SLC22A3: variants seen among roughly 807,000 people sequenced by gnomAD.
The protein encoded by SLC22A3 is solute carrier family 22 member 3.
Under a neutral mutation model 59.1 loss-of-function variants are expected in SLC22A3, and 51 were observed. The ratio of observed to expected loss-of-function variants is 0.86; its 90% CI spans 0.69 to 1.09. The LOEUF is 1.09. Ranked by LOEUF, SLC22A3 falls within the 50% of genes least tolerant of loss-of-function variation. The pLI is 0.00. For synonymous variants in SLC22A3, 325 were observed against 292.0 expected (o/e 1.11, Z -1.15); for missense variants, 711 against 726.3 (o/e 0.98, Z 0.24).
chr6:160,420,134 G>A (rs1787667241), intron 5 of SLC22A3, among the ~76,000 whole-genome samples: 2 of 152,150 alleles, frequency 1.3e-5, no homozygotes, highest in African/African-American at 2.4e-5. Flanking sequence ...ACTCAGCCTG[G>A]CATTGCTCAG....
Position 160,425,146 on chromosome 6 carries a change from C to T in SLC22A3, c.976-11634C>T, listed in dbSNP as rs143799332. Reference sequence around the variant, plus strand: ...CCACAATTCTGTAAACAACTTGGTACATTTTGTTGTCTAGAAATAGCCAAC... The same window carrying T: ...CCACAATTCTGTAAACAACTTGGTATATTTTGTTGTCTAGAAATAGCCAAC... On this transcript the variant is annotated intron_variant, in intron 5 of 10. Coordinates refer to ENST00000275300, the MANE Select transcript of SLC22A3 (RefSeq NM_021977.4). Among the ~76,000 whole-genome samples the T allele has an allele frequency of 1.4e-3, 218 of 152,284 alleles. 5 individuals are homozygous for T. The East Asian group carries it at 0.036, about 25-fold the overall frequency.
At chr6:160,391,917 C>A (rs971135811) in intron 1 of SLC22A3, among the ~76,000 whole-genome samples, 2 of 152,214 alleles carry the variant, frequency 1.3e-5, no homozygotes, top group Admixed American at 1.3e-4. Flanking sequence ...AGACATCTCT[C>A]CCTCCTATTT....
intron 1 of SLC22A3, among the ~76,000 whole-genome samples, chr6:160,385,343 G>A (rs1285540962): frequency 6.6e-6 from 1 of 152,222 alleles, no homozygotes; most frequent in Non-Finnish European, 1.5e-5. Flanking sequence ...TGTCATGGGA[G>A]ACACAGTGCC....
intron 2 of SLC22A3, among the ~76,000 whole-genome samples, chr6:160,404,832 A>G (rs568102576): frequency 6.6e-6 from 1 of 151,826 alleles, no homozygotes; most frequent in East Asian, 1.9e-4. Flanking sequence ...AAAGCAGAAA[A>G]CAAAAGGTAC....
intron 1 of SLC22A3, among the ~76,000 whole-genome samples, chr6:160,386,139 G>A (rs1786001806): frequency 1.3e-5 from 2 of 152,204 alleles, no homozygotes; most frequent in African/African-American, 4.8e-5. Flanking sequence ...CCTTCTGCCT[G>A]TGCACCTGTG....
At chr6:160,388,176 G>A (rs766855010) in intron 1 of SLC22A3, among the ~76,000 whole-genome samples, 7 of 152,154 alleles carry the variant, frequency 4.6e-5, no homozygotes, top group African/African-American at 7.2e-5. Context: ...CTAAGTTGGT[G>A]GTAATTTGTT....
chr6:160,436,964 C>T (rs993133773), intron 6 of SLC22A3, 33 bp from the exon 7 acceptor site: 7 of 1,613,204 alleles, frequency 4.3e-6, no homozygotes, highest in African/African-American at 1.3e-5. Context: ...TTATCTCTTA[C>T]TTGTTCTCTG....
chr6:160,357,373 C>G (rs532391218), intron 1 of SLC22A3, among the ~76,000 whole-genome samples: 1 of 152,322 alleles, frequency 6.6e-6, no homozygotes, highest in East Asian at 1.9e-4. Context: ...CACAGGATGG[C>G]TCTGATTTCA....
At chr6:160,411,821 A>T (rs765819558) in intron 5 of SLC22A3, among the ~76,000 whole-genome samples, 9 of 152,226 alleles carry the variant, frequency 5.9e-5, no homozygotes, top group Non-Finnish European at 8.8e-5. Context: ...GCACTTGAGG[A>T]TATAACATAT....
At chr6:160,418,436 T>C (rs1328373154) in intron 5 of SLC22A3, among the ~76,000 whole-genome samples, 1 of 152,234 alleles carries the variant, frequency 6.6e-6, no homozygotes, top group Admixed American at 6.5e-5. Context: ...CCTGGCTTCC[T>C]ACCTCCTCAG....
chr6:160,437,652 C>CT (rs1562501487), intron 7 of SLC22A3, among the ~76,000 whole-genome samples: 68 of 152,214 alleles, frequency 4.5e-4, no homozygotes, highest in Admixed American at 4.4e-3. Context: ...AATATTGTCA[C>CT]GATTCTTATT....
intron 1 of SLC22A3, among the ~76,000 whole-genome samples, chr6:160,383,654 C>A (rs1340894170): frequency 1.3e-5 from 2 of 152,012 alleles, no homozygotes; most frequent in East Asian, 3.9e-4. Flanking sequence ...ACAAACTCAC[C>A]AATCACCAAC....
chr6:160,430,743 A>C (rs1001751617), intron 5 of SLC22A3, among the ~76,000 whole-genome samples: 5 of 152,234 alleles, frequency 3.3e-5, no homozygotes, highest in African/African-American at 4.8e-5. Context: ...CTGAACAGAT[A>C]GTGTTACCCG....
intron 5 of SLC22A3, among the ~76,000 whole-genome samples, chr6:160,421,153 A>G (rs906594749): frequency 1.3e-5 from 2 of 152,192 alleles, no homozygotes; most frequent in Non-Finnish European, 2.9e-5. Context: ...TGCCCTTCCT[A>G]GAGACGGCTG....
chr6:160,387,391 C>T (rs548129639), intron 1 of SLC22A3, among the ~76,000 whole-genome samples: 253 of 152,316 alleles, frequency 1.7e-3, no homozygotes, highest in Non-Finnish European at 3.1e-3. Flanking sequence ...CTGCTTCTGG[C>T]TTTACAGTTA....
chr6:160,373,065 C>A (rs1785457377), intron 1 of SLC22A3, among the ~76,000 whole-genome samples: 1 of 152,270 alleles, frequency 6.6e-6, no homozygotes, highest in Admixed American at 6.5e-5. Context: ...GACTTGTGAT[C>A]CCTTGGCGAG....
Position 160,408,735 on chromosome 6 carries a change from GTGTT to G in SLC22A3, c.689-12_689-9del. The G allele has an allele frequency of 6.2e-7, 1 of 1,613,028 alleles. No individual in the cohort carries two copies. The highest frequency in any genetic ancestry group is 8.5e-7 in the Non-Finnish European group (1 of 1,179,282). On this transcript the variant is annotated splice_polypyrimidine_tract_variant and intron_variant, in intron 3 of 10. Transcript: ENST00000275300. The stretch of plus-strand genomic sequence containing the variant: ...TGACCTTGTGCTTCTGTGACCTCTT[GTGTT>G]TGTTTTCCTTTAGTGACAGAAATAG...
chr6:160,407,121 TC>T lies in SLC22A3; in HGVS notation c.617del (p.Pro206LeufsTer4). 1 of 1,612,406 alleles carries T rather than the reference TC, an allele frequency of 6.2e-7. No individual in the cohort carries two copies. The highest frequency in any genetic ancestry group is 8.5e-7 in the Non-Finnish European group (1 of 1,179,158). On this transcript the variant is annotated frameshift_variant, in exon 3 of 11. Coordinates refer to ENST00000275300, the MANE Select transcript of SLC22A3 (RefSeq NM_021977.4). LOFTEE classifies it high-confidence loss of function. ...TGVVVAFAPN[F>X]PVFVIFRFLQ... is the part of the protein sequence containing the mutation. ...GTTGTGGTGGCCTTTGCACCAAACT[TC>T]CCTGTGTTTGTGATCTTCCGCTTCC...
Position 160,365,698 on chromosome 6 carries a change from A to G in SLC22A3, c.429+16850A>G, listed in dbSNP as rs540777936. Reference sequence around the variant, plus strand: ...AAGTTCAGTTCTTTAAAATTCAGCTACTACTCACTGACATGGTGTATTACC... The same window carrying G: ...AAGTTCAGTTCTTTAAAATTCAGCTGCTACTCACTGACATGGTGTATTACC... On this transcript the variant is annotated intron_variant, in intron 1 of 10. Transcript: ENST00000275300. Among the ~76,000 whole-genome samples the G allele has an allele frequency of 2.0e-5, 3 of 152,210 alleles. No individual in the cohort carries two copies. The South Asian group carries it at 6.2e-4, about 31-fold the overall frequency.
Sources: gnomAD v4.1 joint callset for allele counts (sites outside exome capture counted in the v4.1 genomes callset) on GRCh38, gnomAD v4.1.1 for gene constraint, MANE v1.5 for transcripts, NCBI Gene and HGNC (gene_info 2026-07-23, HGNC 2026-07-21) for gene names.